NDFIP2: variants seen among roughly 807,000 people sequenced by gnomAD.
The protein encoded by NDFIP2 is Nedd4 family interacting protein 2.
A neutral mutation model predicts 36.0 loss-of-function variants in NDFIP2; 19 were observed. The ratio of observed to expected loss-of-function variants is 0.53; its 90% CI spans 0.37 to 0.77. NDFIP2 has a LOEUF of 0.77. NDFIP2 is among the 30% of genes least tolerant of loss of function. The probability of loss-of-function intolerance (pLI) is 0.00; values close to 1 mark genes in which losing one functional copy is unlikely to be tolerated. For synonymous variants in NDFIP2, 181 were observed against 167.7 expected (o/e 1.08, Z -0.61); for missense variants, 446 against 435.8 (o/e 1.02, Z -0.21).
intron 1 of NDFIP2, among the ~76,000 whole-genome samples, chr13:79,498,037 G>A (rs984935312): frequency 1.3e-5 from 2 of 151,896 alleles, no homozygotes; most frequent in African/African-American, 4.8e-5. Flanking sequence ...GTGTATGCGT[G>A]TGTTTGAGTG....
intron 1 of NDFIP2, among the ~76,000 whole-genome samples, chr13:79,518,400 T>G (rs777955133): frequency 1.3e-5 from 2 of 152,370 alleles, no homozygotes; most frequent in Middle Eastern, 3.4e-3. Context: ...ACAGTTTTGT[T>G]AAGTTATAAT....
chr13:79,541,536 A>G (rs1875456012), intron 4 of NDFIP2, among the ~76,000 whole-genome samples: 1 of 151,752 alleles, frequency 6.6e-6, no homozygotes, highest in Non-Finnish European at 1.5e-5. Context: ...GTAAATTTAT[A>G]TTTTTACCTG....
intron 5 of NDFIP2, 35 bp downstream of exon 5, chr13:79,543,717 C>A: frequency 6.3e-7 from 1 of 1,599,314 alleles, no homozygotes; most frequent in Non-Finnish European, 8.5e-7. Context: ...TCTTTTATCT[C>A]TAAAATGAGA....
At chr13:79,504,110 A>C (rs1343631363) in intron 1 of NDFIP2, among the ~76,000 whole-genome samples, 4 of 152,172 alleles carry the variant, frequency 2.6e-5, no homozygotes, top group African/African-American at 9.7e-5. Context: ...CTAGAGATAG[A>C]GGGAAAATTT....
chr13:79,507,000 G>T (rs986836288), intron 1 of NDFIP2, among the ~76,000 whole-genome samples: 1 of 152,084 alleles, frequency 6.6e-6, no homozygotes, highest in East Asian at 1.9e-4. Flanking sequence ...TTTTAAAACT[G>T]CATGTTTAAA....
chr13:79,530,109 C>G (rs1874957286), intron 2 of NDFIP2, among the ~76,000 whole-genome samples: 1 of 152,178 alleles, frequency 6.6e-6, no homozygotes, highest in Non-Finnish European at 1.5e-5. Context: ...ACTGACTGAT[C>G]AGGGTGGTGG....
At chr13:79,488,993 G>A (rs886592821) in intron 1 of NDFIP2, among the ~76,000 whole-genome samples, 2 of 152,188 alleles carry the variant, frequency 1.3e-5, no homozygotes, top group African/African-American at 4.8e-5. Flanking sequence ...CAATTTGCAG[G>A]TGAGAAACAT....
intron 2 of NDFIP2, among the ~76,000 whole-genome samples, chr13:79,523,726 G>A (rs9530933): frequency 0.098 from 14,943 of 152,212 alleles, 924 homozygotes; most frequent in Middle Eastern, 0.26. Flanking sequence ...CTTATATGAT[G>A]AGATGAAGTG....
At chr13:79,509,051 A>T (rs1555356880) in intron 1 of NDFIP2, among the ~76,000 whole-genome samples, 1 of 152,088 alleles carries the variant, frequency 6.6e-6, no homozygotes, top group Non-Finnish European at 1.5e-5. Flanking sequence ...TTTAATTTAA[A>T]CATTAAAACT....
chr13:79,484,046 G>T (rs2079829648), intron 1 of NDFIP2, among the ~76,000 whole-genome samples: 1 of 151,904 alleles, frequency 6.6e-6, no homozygotes, highest in Non-Finnish European at 1.5e-5. Flanking sequence ...TTGAGATGGA[G>T]TGTCTGTCAC....
At chr13:79,495,524 G>A (rs1308923186) in intron 1 of NDFIP2, among the ~76,000 whole-genome samples, 2 of 151,782 alleles carry the variant, frequency 1.3e-5, no homozygotes, top group Admixed American at 1.3e-4. Context: ...ACTTTCAGAT[G>A]GCAAAAACCA....
chr13:79,517,755 G>A (rs184378370), intron 1 of NDFIP2, among the ~76,000 whole-genome samples: 61 of 152,258 alleles, frequency 4.0e-4, no homozygotes, highest in Middle Eastern at 3.4e-3. Context: ...AAAAGTGTTT[G>A]TAGTTATTCC....
chr13:79,550,445 T>A (rs1388961766), intron 6 of NDFIP2, among the ~76,000 whole-genome samples: 2 of 151,694 alleles, frequency 1.3e-5, no homozygotes, highest in African/African-American at 4.8e-5. Flanking sequence ...AAGTTAGTTT[T>A]TTATTATTAC....
At chr13:79,543,705 T>C (rs369710184) in intron 5 of NDFIP2, 23 bp downstream of exon 5, 5 of 1,604,772 alleles carry the variant, frequency 3.1e-6, no homozygotes, top group Non-Finnish European at 4.2e-6. Context: ...ATAGCCTGTA[T>C]CTCTTTTATC....
At chr13:79,487,954 G>A (rs906923116) in intron 1 of NDFIP2, among the ~76,000 whole-genome samples, 8 of 152,036 alleles carry the variant, frequency 5.3e-5, no homozygotes, top group African/African-American at 1.9e-4. Flanking sequence ...AAAGAAGGAG[G>A]TAGAGAGAGT....
At chr13:79,544,077 C>T (rs918725203) in intron 5 of NDFIP2, among the ~76,000 whole-genome samples, 2 of 152,108 alleles carry the variant, frequency 1.3e-5, no homozygotes, top group Non-Finnish European at 1.5e-5. Flanking sequence ...TATATGTGCT[C>T]AGTAAATCAT....
intron 1 of NDFIP2, among the ~76,000 whole-genome samples, chr13:79,503,370 G>C (rs2140746904): frequency 6.6e-6 from 1 of 152,230 alleles, no homozygotes; most frequent in African/African-American, 2.4e-5. Flanking sequence ...GGATAGATGT[G>C]GCCAAGGATA....
At chr13:79,489,094 C>T (rs1873127159) in intron 1 of NDFIP2, among the ~76,000 whole-genome samples, 1 of 152,172 alleles carries the variant, frequency 6.6e-6, no homozygotes, top group African/African-American at 2.4e-5. Flanking sequence ...GTGTAACAAA[C>T]ATCTCTAAAT....
chr13:79,508,562 T>C (rs191485802), intron 1 of NDFIP2, among the ~76,000 whole-genome samples: 57 of 152,332 alleles, frequency 3.7e-4, no homozygotes, highest in African/African-American at 1.3e-3. Context: ...TTGTAAACTG[T>C]CAAGATGCTT....
Sources: gnomAD v4.1 joint callset for allele counts (sites outside exome capture counted in the v4.1 genomes callset) on GRCh38, gnomAD v4.1.1 for gene constraint, MANE v1.5 for transcripts, NCBI Gene and HGNC (gene_info 2026-07-23, HGNC 2026-07-21) for gene names.